TYW1B: variants seen among roughly 807,000 people sequenced by gnomAD.
The protein encoded by TYW1B is tRNA-yW synthesizing protein 1 homolog B.
A neutral mutation model predicts 86.9 loss-of-function variants in TYW1B; 73 were observed. The ratio of observed to expected loss-of-function variants is 0.84; its 90% CI spans 0.70 to 1.02. TYW1B has a LOEUF of 1.02. TYW1B is among the 50% of genes least tolerant of loss of function. TYW1B has a pLI of 0.00. For missense variants in TYW1B, 637 were observed against 827.4 expected, an observed-to-expected ratio of 0.77 and a Z score of 2.82; for synonymous variants, 248 against 292.8, an observed-to-expected ratio of 0.85 and a Z score of 1.56.
At chr7:72,731,393 C>CAAAAAAAAAAAAAAAAAAAAAAAAAAA (rs59262388) in intron 8 of TYW1B, among the ~76,000 whole-genome samples, 1 of 33,060 alleles carries the variant, frequency 3.0e-5, no homozygotes, top group Non-Finnish European at 5.2e-5. Flanking sequence ...TACCAAACTG[C>CAAAAAAAAAAAAAAAAAAAAAAAAAAA]AAAAAAAAAA....
chr7:72,593,554 T>G lies in TYW1B; in HGVS notation c.1786-17835A>C, dbSNP rs1462180951. 1.5e-4 allele frequency among the ~76,000 whole-genome samples: 22 copies of G among 151,642 alleles called. No homozygotes were observed. In the South Asian group the frequency reaches 3.3e-3, roughly 23 times the overall value. On this transcript the variant is annotated intron_variant, in intron 13 of 13. Coordinates refer to ENST00000620995, the MANE Select transcript of TYW1B (RefSeq NM_001145440.3). Reference sequence around the variant, plus strand: ...ATCAATAAACGAGGCCAGGCGTGGTTGCTCAGGCCTGTAATCCCAGCACTT... The same window carrying G: ...ATCAATAAACGAGGCCAGGCGTGGTGGCTCAGGCCTGTAATCCCAGCACTT...
At chr7:72,677,660 C>T (rs781905052) in intron 11 of TYW1B, among the ~76,000 whole-genome samples, 4 of 152,064 alleles carry the variant, frequency 2.6e-5, no homozygotes, top group South Asian at 2.1e-4. Context: ...CCGACATGCA[C>T]CCTGCTAAGG....
intron 11 of TYW1B, among the ~76,000 whole-genome samples, chr7:72,677,710 T>C (rs1358478332): frequency 2.0e-5 from 3 of 152,086 alleles, no homozygotes; most frequent in African/African-American, 7.2e-5. Context: ...CTTTTATTTA[T>C]CTTTTTTTTT....
intron 8 of TYW1B, among the ~76,000 whole-genome samples, chr7:72,738,668 T>C (rs1465854365): frequency 6.6e-6 from 1 of 152,106 alleles, no homozygotes; most frequent in Non-Finnish European, 1.5e-5. Context: ...AAATAGCAAT[T>C]TTGCCCCCAG....
Position 72,703,181 on chromosome 7 carries a change from C to T in TYW1B, c.1371-8359G>A, listed in dbSNP as rs573224067. On this transcript the variant is annotated intron_variant, in intron 10 of 13. Coordinates refer to ENST00000620995, the MANE Select transcript of TYW1B (RefSeq NM_001145440.3). ...CTGGGACTACAGGCGCCCACCACTG[C>T]GCATGGCTAATTTTTTGTATTTTTA... Among the ~76,000 whole-genome samples, 416 of 151,622 alleles carry T rather than the reference C, an allele frequency of 2.7e-3. 1 individual carries two copies. The highest frequency in any genetic ancestry group is 9.0e-3 in the African/African-American group (371 of 41,386).
chr7:72,586,447 G>A (rs1239659774), intron 13 of TYW1B, among the ~76,000 whole-genome samples: 1 of 152,174 alleles, frequency 6.6e-6, no homozygotes, highest in African/African-American at 2.4e-5. Context: ...GAGAATATCT[G>A]GTGTGGGGGC....
intron 3 of TYW1B, among the ~76,000 whole-genome samples, chr7:72,812,486 G>A (rs1206442130): frequency 6.6e-6 from 1 of 152,040 alleles, no homozygotes; most frequent in Admixed American, 6.6e-5. Context: ...CAAGTCATGA[G>A]GTAAGTTACA....
In TYW1B at chr7:72,575,088, T is replaced by A. The variant is rs1810989088; in HGVS notation, c.*410A>T. The A allele has an allele frequency of 1.9e-6, 2 of 1,039,940 alleles. No individual in the cohort carries two copies. The highest frequency in any genetic ancestry group is 3.4e-5 in the African/African-American group (2 of 59,142). The allele number at this position is 1,039,940 out of a possible 1,614,324, so 64.4% of individuals were successfully genotyped here. A position where few individuals can be genotyped will look rare whatever the true frequency, so the allele number is the denominator to read the frequency against. On this transcript the variant is annotated 3_prime_UTR_variant, in exon 14 of 14. Coordinates refer to ENST00000620995, the MANE Select transcript of TYW1B (RefSeq NM_001145440.3). ...TTTAGCTCAGGGTAGTGCAATTCAA[T>A]GCTAAGTGGCTGCTCCATGAAATCC...
intron 12 of TYW1B, among the ~76,000 whole-genome samples, chr7:72,624,796 G>A (rs1209628612): frequency 6.6e-6 from 1 of 152,060 alleles, no homozygotes; most frequent in Non-Finnish European, 1.5e-5. Flanking sequence ...GGTGGCTCAC[G>A]CCTGTAATCC....
At chr7:72,690,716 G>A (rs562674021) in intron 11 of TYW1B, among the ~76,000 whole-genome samples, 7 of 152,274 alleles carry the variant, frequency 4.6e-5, no homozygotes, top group African/African-American at 1.7e-4. Flanking sequence ...CTTATTTATA[G>A]TAATCTGGTA....
intron 7 of TYW1B, among the ~76,000 whole-genome samples, chr7:72,768,601 T>C (rs1787814300): frequency 2.0e-5 from 3 of 151,766 alleles, no homozygotes; most frequent in Admixed American, 6.6e-5. Flanking sequence ...TCCTGGCTAA[T>C]ATGGTGAAAC....
At chr7:72,792,685 AT>A (rs1788241243) in intron 6 of TYW1B, among the ~76,000 whole-genome samples, 1 of 152,242 alleles carries the variant, frequency 6.6e-6, no homozygotes, top group Admixed American at 6.5e-5. Flanking sequence ...AAGAGTATCC[AT>A]TACCAAAATG....
chr7:72,623,916 C>T (rs1812283011), intron 12 of TYW1B, among the ~76,000 whole-genome samples: 1 of 152,076 alleles, frequency 6.6e-6, no homozygotes, highest in Admixed American at 6.6e-5. Flanking sequence ...ATTCTCATGC[C>T]TCAGCCTCCT....
At chr7:72,601,040 C>T (rs868975909) in intron 13 of TYW1B, among the ~76,000 whole-genome samples, 7 of 151,936 alleles carry the variant, frequency 4.6e-5, no homozygotes, top group South Asian at 4.2e-4. Flanking sequence ...ACCTGTAATC[C>T]CAGCTACTTG....
intron 11 of TYW1B, among the ~76,000 whole-genome samples, chr7:72,689,824 C>A (rs1554450037): frequency 6.6e-6 from 1 of 152,178 alleles, no homozygotes; most frequent in Non-Finnish European, 1.5e-5. Context: ...CTCTTTACTT[C>A]CCCCAAATTT....
intron 2 of TYW1B, among the ~76,000 whole-genome samples, chr7:72,816,760 C>T (rs1346100171): frequency 6.6e-6 from 1 of 152,250 alleles, no homozygotes; most frequent in East Asian, 1.9e-4. Context: ...ATGGAGCCTC[C>T]AAGAAAAACC....
intron 11 of TYW1B, among the ~76,000 whole-genome samples, chr7:72,635,886 G>T (rs143901939): frequency 0.017 from 2,591 of 152,272 alleles, 65 homozygotes; most frequent in African/African-American, 0.058. Context: ...CTAAGTCTTT[G>T]AATTCCATCT....
intron 7 of TYW1B, among the ~76,000 whole-genome samples, chr7:72,753,260 G>A (rs1554465417): frequency 6.6e-6 from 1 of 151,964 alleles, no homozygotes; most frequent in African/African-American, 2.4e-5. Flanking sequence ...CAACTGGTGG[G>A]ATTTTTTTTT....
At chr7:72,578,032 C>G (rs1399632958) in intron 13 of TYW1B, among the ~76,000 whole-genome samples, 1 of 152,180 alleles carries the variant, frequency 6.6e-6, no homozygotes, top group Non-Finnish European at 1.5e-5. Context: ...CCCCACCAAG[C>G]CTGCTGGCTC....
Sources: gnomAD v4.1 joint callset for allele counts (sites outside exome capture counted in the v4.1 genomes callset) on GRCh38, gnomAD v4.1.1 for gene constraint, MANE v1.5 for transcripts, NCBI Gene and HGNC (gene_info 2026-07-23, HGNC 2026-07-21) for gene names.